The following NFIB variants were observed in gnomAD, a reference collection of about 807,000 sequenced individuals.
NFIB encodes the protein nuclear factor 1 B-type.
Under a neutral mutation model 61.5 loss-of-function variants are expected in NFIB, and 11 were observed. That is an observed-to-expected ratio of 0.18 (90% CI 0.11 to 0.30). NFIB has a LOEUF of 0.30. NFIB is among the 10% of genes least tolerant of loss of function. The pLI is 1.00. For synonymous variants in NFIB, 260 were observed against 216.5 expected, an observed-to-expected ratio of 1.20 and a Z score of -1.76; for missense variants, 471 against 608.9, an observed-to-expected ratio of 0.77 and a Z score of 2.38.
intron 1 of NFIB, among the ~76,000 whole-genome samples, chr9:14,352,801 G>T (rs182632133): frequency 6.6e-6 from 1 of 152,334 alleles, no homozygotes; most frequent in Admixed American, 6.5e-5. Context: ...CTTTTCAAAG[G>T]CCTGCATAGG....
the NFIB span, among the ~76,000 whole-genome samples, chr9:14,477,691 A>C: frequency 1.3e-5 from 2 of 152,214 alleles, no homozygotes; most frequent in Non-Finnish European, 2.9e-5. Context: ...TACTGAAATG[A>C]AAGTATACAA....
intron 1 of NFIB, among the ~76,000 whole-genome samples, chr9:14,379,677 A>C (rs1049809867): frequency 9.9e-5 from 15 of 151,814 alleles, no homozygotes; most frequent in Non-Finnish European, 2.2e-4. Flanking sequence ...ATCAGATTTT[A>C]TTTATTTATT....
the NFIB span, among the ~76,000 whole-genome samples, chr9:14,502,532 G>C: frequency 6.6e-6 from 1 of 152,130 alleles, no homozygotes; most frequent in East Asian, 1.9e-4. Flanking sequence ...CACTTGTCAA[G>C]AAATCAGTTA....
chr9:14,296,357 T>G (rs975440661), intron 2 of NFIB, among the ~76,000 whole-genome samples: 1 of 152,366 alleles, frequency 6.6e-6, no homozygotes, highest in East Asian at 1.9e-4. Context: ...CTGAAGTGAC[T>G]TGACCAAGGT....
At chr9:14,414,663 A>C in the NFIB span, among the ~76,000 whole-genome samples, 4 of 152,070 alleles carry the variant, frequency 2.6e-5, no homozygotes, top group African/African-American at 9.7e-5. Flanking sequence ...AGTATCTACA[A>C]AGCACTCCAA....
intron 2 of NFIB, among the ~76,000 whole-genome samples, chr9:14,286,889 T>C (rs76878267): frequency 5.5e-4 from 83 of 152,270 alleles, no homozygotes; most frequent in Non-Finnish European, 1.0e-3. Context: ...TCCCTACATG[T>C]GCACAACATA....
At chr9:14,244,928 T>A (rs7854519) in intron 2 of NFIB, among the ~76,000 whole-genome samples, 1 of 152,202 alleles carries the variant, frequency 6.6e-6, no homozygotes, top group Non-Finnish European at 1.5e-5. Flanking sequence ...TTCCATGACA[T>A]TGGGGTGTCC....
At chr9:14,468,082 T>C in the NFIB span, among the ~76,000 whole-genome samples, 1 of 152,194 alleles carries the variant, frequency 6.6e-6, no homozygotes, top group African/African-American at 2.4e-5. Context: ...ATTATCCCTA[T>C]AGGGGAACAA....
intron 2 of NFIB, among the ~76,000 whole-genome samples, chr9:14,254,979 A>T (rs888352428): frequency 2.0e-5 from 3 of 152,126 alleles, no homozygotes; most frequent in African/African-American, 7.2e-5. Context: ...AAACAAAATA[A>T]CCTTCGCTAA....
chr9:14,225,907 T>C (rs2052350701), intron 2 of NFIB, among the ~76,000 whole-genome samples: 1 of 152,246 alleles, frequency 6.6e-6, no homozygotes, highest in African/African-American at 2.4e-5. Flanking sequence ...TTATTTCCTT[T>C]TGAAATCTGA....
chr9:14,323,329 G>A (rs2060705907), intron 1 of NFIB, among the ~76,000 whole-genome samples: 1 of 152,138 alleles, frequency 6.6e-6, no homozygotes. Flanking sequence ...CATAAAGCAA[G>A]CAGTTTTGAT....
chr9:14,139,362 C>T (rs2041434570), intron 6 of NFIB, among the ~76,000 whole-genome samples: 1 of 152,112 alleles, frequency 6.6e-6, no homozygotes, highest in Non-Finnish European at 1.5e-5. Flanking sequence ...CACTGGCTTT[C>T]CAAACTACTT....
At chr9:14,506,254 G>C in the NFIB span, among the ~76,000 whole-genome samples, 22 of 152,234 alleles carry the variant, frequency 1.4e-4, no homozygotes, top group South Asian at 1.5e-3. Flanking sequence ...TGGGGGAGGG[G>C]AGATTGCCCA....
chr9:14,130,708 G>A (rs2040300497), intron 6 of NFIB, among the ~76,000 whole-genome samples: 1 of 152,112 alleles, frequency 6.6e-6, no homozygotes, highest in Non-Finnish European at 1.5e-5. Context: ...ATGAAAGAAA[G>A]AAGAGGTAAA....
intron 2 of NFIB, among the ~76,000 whole-genome samples, chr9:14,206,195 CTTT>C (rs1434266226): frequency 1.6e-5 from 2 of 126,964 alleles, no homozygotes; most frequent in Non-Finnish European, 3.4e-5. Context: ...TTTTTTTCTT[CTTT>C]GAGATGGAAT....
chr9:14,445,650 C>A, the NFIB span, among the ~76,000 whole-genome samples: 1 of 152,012 alleles, frequency 6.6e-6, no homozygotes, highest in Non-Finnish European at 1.5e-5. Context: ...AATATTAAAC[C>A]AAACTTGCAT....
At chr9:14,395,011 C>T (rs1015418256) in intron 1 of NFIB, among the ~76,000 whole-genome samples, 11 of 152,194 alleles carry the variant, frequency 7.2e-5, no homozygotes, top group East Asian at 3.9e-4. Flanking sequence ...ACTCAATCTC[C>T]GCAAGAATTG....
intron 1 of NFIB, among the ~76,000 whole-genome samples, chr9:14,394,518 AT>A (rs1417734990): frequency 6.6e-6 from 1 of 152,210 alleles, no homozygotes; most frequent in Non-Finnish European, 1.5e-5. Context: ...ACTCCCATTT[AT>A]AAAACCATCA....
At chr9:14,107,037 TTTC>T (rs1409967552) in intron 10 of NFIB, among the ~76,000 whole-genome samples, 1 of 152,076 alleles carries the variant, frequency 6.6e-6, no homozygotes, top group African/African-American at 2.4e-5. Flanking sequence ...TGTTTTATGT[TTTC>T]TTGTGTTTCT....
Sources: gnomAD v4.1 joint callset for allele counts (sites outside exome capture counted in the v4.1 genomes callset) on GRCh38, gnomAD v4.1.1 for gene constraint, MANE v1.5 for transcripts, NCBI Gene and HGNC (gene_info 2026-07-23, HGNC 2026-07-21) for gene names.